The following PGAP2 variants were observed in gnomAD, a reference collection of about 807,000 sequenced individuals.
PGAP2 encodes the protein post-GPI attachment to proteins 2.
PGAP2 carries 21 observed loss-of-function variants against 33.2 expected under a neutral mutation model. The observed-to-expected ratio is 0.63, with a 90% confidence interval of 0.45 to 0.91. PGAP2 has a LOEUF of 0.91. PGAP2 is among the 40% of genes least tolerant of loss of function. The pLI, the probability that PGAP2 is intolerant of heterozygous loss-of-function variation, is 0.00. For missense variants in PGAP2, 345 were observed against 424.0 expected, an observed-to-expected ratio of 0.81 and a Z score of 1.64; for synonymous variants, 161 against 172.9, an observed-to-expected ratio of 0.93 and a Z score of 0.54.
chr11:3,808,628 G>A lies in PGAP2; in HGVS notation c.-34G>A, dbSNP rs1804381862. On this transcript the variant is annotated 5_prime_UTR_variant, in exon 1 of 7. Transcript: ENST00000278243. ...GCCACCTGGGCCCCCGGGTTCCGCC[G>A]GCACTCTCGCCACCACCGCGTGGGT... 2 of 1,304,358 alleles carry A rather than the reference G, an allele frequency of 1.5e-6. No individual in the cohort carries two copies. Among genetic ancestry groups the A allele is most frequent in the Non-Finnish European group, 2.0e-6 (2 of 1,024,196 alleles). 80.8% of individuals were successfully genotyped at this position (1,304,358 alleles called of 1,614,324 possible).
At chr11:3,818,289 C>A (rs576683219) in intron 3 of PGAP2, among the ~76,000 whole-genome samples, 11 of 147,668 alleles carry the variant, frequency 7.4e-5, no homozygotes, top group Non-Finnish European at 1.3e-4. Context: ...ATTGCTTGAA[C>A]CCGGGAGGCA....
At chr11:3,817,222 C>T in intron 2 of PGAP2, 131 bp from the exon 3 acceptor site, 1 of 714,064 alleles carries the variant, frequency 1.4e-6, no homozygotes, top group Non-Finnish European at 2.4e-6. Context: ...TTCCTTTTCC[C>T]CTTATGCCTT....
intron 3 of PGAP2, among the ~76,000 whole-genome samples, chr11:3,820,984 C>T (rs954023658): frequency 6.6e-6 from 1 of 152,234 alleles, no homozygotes; most frequent in African/African-American, 2.4e-5. Context: ...CAGCTTTGTG[C>T]AGTTCCTGAG....
At position 3,826,240 on chromosome 11, in the gene PGAP2, T is replaced by G. The variant is rs985253577; in HGVS notation, c.*782T>G. 1 of 152,192 alleles carries G rather than the reference T, an allele frequency of 6.6e-6. No homozygotes were observed. The highest frequency in any genetic ancestry group is 2.4e-5 in the African/African-American group (1 of 41,424). 9.4% of individuals were successfully genotyped at this position (152,192 alleles called of 1,614,324 possible). ...ATGGGATAGAGGGGTCAGATGCAGATCTCTACTGTAAAATGGGCTCCCTGG... is the reference window on the plus strand; with the variant it reads ...ATGGGATAGAGGGGTCAGATGCAGAGCTCTACTGTAAAATGGGCTCCCTGG... On this transcript the variant is annotated 3_prime_UTR_variant, in exon 7 of 7. Transcript: ENST00000278243.
exon 1 of PGAP2, chr11:3,797,836 G>A: frequency 6.5e-7 from 1 of 1,550,282 alleles, no homozygotes; most frequent in African/African-American, 1.4e-5. Context: ...CTCGAAGTGG[G>A]CTTGTGAATG....
rs116879831 is a variant in PGAP2, at chr11:3,819,436, G to A, written c.348+1901G>A. Among the ~76,000 whole-genome samples, 799 of 152,176 alleles carry A rather than the reference G, an allele frequency of 5.3e-3. 3 individuals carry two copies. The highest frequency in any genetic ancestry group is 8.9e-3 in the Non-Finnish European group (607 of 67,996). On this transcript the variant is annotated intron_variant, in intron 3 of 6. Transcript: ENST00000278243. ...GAGAGGAGGGATGGAGTCTAGAGAG[G>A]TGTAGAAAGTGGGATTGACAGCAAA...
chr11:3,817,553 A>T lies in PGAP2; in HGVS notation c.348+18A>T. 6.2e-7 allele frequency: 1 copy of T among 1,611,254 alleles called. No individual in the cohort carries two copies. The highest frequency in any genetic ancestry group is 8.5e-7 in the Non-Finnish European group (1 of 1,177,400). On this transcript the variant is annotated intron_variant, in intron 3 of 6. Coordinates refer to ENST00000278243, the MANE Select transcript of PGAP2 (RefSeq NM_014489.4). ...ACTGTGGGGTGAGTGCCAGCTCCCC[A>T]GCCCCTGGGTCAGGGCCAGGTCAGG...
chr11:3,818,373 G>A (rs11029894), intron 3 of PGAP2, among the ~76,000 whole-genome samples: 1 of 151,428 alleles, frequency 6.6e-6, no homozygotes, highest in Non-Finnish European at 1.5e-5. Context: ...TTGGGGGTTA[G>A]AGGGAGGTGA....
intron 5 of PGAP2, chr11:3,824,722 CT>C: frequency 2.5e-6 from 3 of 1,181,894 alleles, no homozygotes; most frequent in Non-Finnish European, 3.4e-6. Context: ...ACATGGGTTT[CT>C]TTTCCCCCAC....
chr11:3,797,764 G>T, upstream of PGAP2: 2 of 1,506,892 alleles, frequency 1.3e-6, no homozygotes, highest in East Asian at 2.5e-5. Flanking sequence ...TGAGAGGGCC[G>T]TGGAGTCCCG....
intron 2 of PGAP2, among the ~76,000 whole-genome samples, chr11:3,816,409 T>C (rs1241510487): frequency 6.6e-6 from 1 of 151,918 alleles, no homozygotes; most frequent in African/African-American, 2.4e-5. Flanking sequence ...GCTTGAGGGG[T>C]CAAGGTGTTT....
chr11:3,802,419 C>G (rs572708025), intron 1 of PGAP2, among the ~76,000 whole-genome samples: 1 of 152,288 alleles, frequency 6.6e-6, no homozygotes, highest in African/African-American at 2.4e-5. Context: ...TAGGTATCAT[C>G]ATCTTCCTTC....
upstream of PGAP2, among the ~76,000 whole-genome samples, chr11:3,806,096 T>C (rs1428922512): frequency 7.2e-5 from 11 of 152,170 alleles, no homozygotes; most frequent in Non-Finnish European, 1.2e-4. Context: ...AATTAAAGAA[T>C]TAATCTAAAT....
chr11:3,808,429 T>C, upstream of PGAP2: 1 of 1,538,702 alleles, frequency 6.5e-7, no homozygotes, highest in Admixed American at 2.0e-5. Context: ...TAAAGCATGG[T>C]TTGAGGACAC....
At chr11:3,823,024 CTT>C (rs746736798) in intron 3 of PGAP2, 5,959 of 304,662 alleles carry the variant, frequency 0.02, 2 homozygotes, top group South Asian at 0.036. Context: ...TTTTTCTTTT[CTT>C]TTTTTTTTTT....
Position 3,817,360 on chromosome 11 carries a change from C to T in PGAP2, c.173C>T (p.Pro58Leu), listed in dbSNP as rs1350750361. Residue 58 changes from proline to leucine, a missense_variant, in exon 3 of 7, where the codon CCC (proline) becomes CTC (leucine). By Grantham distance (98) the Pro-to-Leu change is moderately conservative. Transcript: ENST00000278243. The stretch of plus-strand genomic sequence containing the variant: ...ATCCCTCGTGCTGCTTAGGCCACGC[C>T]CTGCAGGATGTTCTCTGCGGCCTCC... ...ETTATHCGATPCRMFSAASQP... is the reference protein window; with the variant it reads ...ETTATHCGATLCRMFSAASQP... The T allele has an allele frequency of 2.5e-6, 4 of 1,612,798 alleles. No individual in the cohort carries two copies. Among genetic ancestry groups the T allele is most frequent in the Non-Finnish European group, 3.4e-6 (4 of 1,179,098 alleles).
At chr11:3,802,635 A>T (rs2083618417) in intron 1 of PGAP2, among the ~76,000 whole-genome samples, 1 of 152,076 alleles carries the variant, frequency 6.6e-6, no homozygotes, top group African/African-American at 2.4e-5. Context: ...TAGGGAGGAG[A>T]CAGATCTGTA....
At chr11:3,815,378 G>A (rs530243150) in intron 2 of PGAP2, among the ~76,000 whole-genome samples, 12 of 151,070 alleles carry the variant, frequency 7.9e-5, no homozygotes, top group African/African-American at 2.9e-4. Context: ...GCACGATCTC[G>A]GCTTACTGCA....
chr11:3,800,938 G>A (rs1428288318), intron 1 of PGAP2, among the ~76,000 whole-genome samples: 30 of 151,286 alleles, frequency 2.0e-4, no homozygotes, highest in Middle Eastern at 3.4e-3. Flanking sequence ...TTCGAAACCC[G>A]CCTGGCCAAC....
Sources: gnomAD v4.1 joint callset for allele counts (sites outside exome capture counted in the v4.1 genomes callset) on GRCh38, gnomAD v4.1.1 for gene constraint, MANE v1.5 for transcripts, NCBI Gene and HGNC (gene_info 2026-07-23, HGNC 2026-07-21) for gene names.